The following REC8 variants were observed in gnomAD, a reference collection of about 807,000 sequenced individuals.
REC8 encodes meiotic recombination protein REC8 homolog.
A neutral mutation model predicts 78.3 loss-of-function variants in REC8; 42 were observed. That is an observed-to-expected ratio of 0.54 (90% CI 0.42 to 0.69). The LOEUF (loss-of-function observed/expected upper bound fraction) is 0.69, where lower values mean the gene tolerates loss of function less well. Ranked by LOEUF, REC8 falls within the 30% of genes least tolerant of loss-of-function variation. The pLI is 0.00. For missense variants in REC8, 581 were observed against 715.8 expected (o/e 0.81, Z 2.15); for synonymous variants, 268 against 274.1 (o/e 0.98, Z 0.22).
chr14:24,177,405 C>A (rs368138827), intron 9 of REC8, 22 bp downstream of exon 9: 218 of 1,614,000 alleles, frequency 1.4e-4, no homozygotes, highest in Non-Finnish European at 1.8e-4. Context: ...AACTCCTAGA[C>A]CAGGTAGGGT....
intron 5 of REC8, 112 bp downstream of exon 5, chr14:24,173,523 C>T: frequency 1.3e-6 from 2 of 1,546,632 alleles, no homozygotes; most frequent in East Asian, 4.5e-5. Flanking sequence ...CTCTCTCCCA[C>T]AGGAGATGGT....
chr14:24,173,540 G>A (rs2038760586), intron 5 of REC8, 129 bp downstream of exon 5: 3 of 1,514,790 alleles, frequency 2.0e-6, no homozygotes, highest in Admixed American at 1.9e-5. Context: ...TGGTGCAGGG[G>A]GACTGCCAAG....
Position 24,178,637 on chromosome 14 carries a change from G to A in REC8, c.1028G>A (p.Arg343Lys). Reference sequence around the variant, plus strand: ...GTGCAGCCGCCCGAGAGGACCATCAGAGGCCCTGCGGAGTTGTTCAGAACC... The same window carrying A: ...GTGCAGCCGCCCGAGAGGACCATCAAAGGCCCTGCGGAGTTGTTCAGAACC... ...PMVQPPERTI[R>K]GPAELFRTPT... Residue 343 changes from arginine to lysine, a missense_variant, in exon 13 of 19, where the codon AGA (arginine) becomes AAA (lysine). By Grantham distance (26) the Arg-to-Lys change is conservative. Coordinates refer to ENST00000611366, the MANE Select transcript of REC8 (RefSeq NM_001048205.2). The A allele has an allele frequency of 2.5e-6, 4 of 1,614,084 alleles. No individual in the cohort carries two copies. Among genetic ancestry groups the A allele is most frequent in the Non-Finnish European group, 3.4e-6 (4 of 1,179,992 alleles).
At position 24,173,159 on chromosome 14, in the gene REC8, G is replaced by C; in HGVS notation, c.302G>C (p.Arg101Pro). The change falls in exon 4 of 19, where the codon CGT (arginine) becomes CCT (proline). Residue 101 changes from arginine (R) to proline (P), a missense_variant. Arg to Pro is a moderately radical substitution (Grantham distance 103, BLOSUM62 -2). Transcript: ENST00000611366. The part of the protein sequence containing the change: ...DIQHILERLH[R>P]AQLQIRIDME... ...CAGCACATCTTGGAGCGCCTCCACC[G>C]TGCCCAGCTGCAGATCCGAATAGAT... 6.2e-7 allele frequency: 1 copy of C among 1,614,152 alleles called. No homozygotes were observed. Among genetic ancestry groups the C allele is most frequent in the Non-Finnish European group, 8.5e-7 (1 of 1,180,032 alleles).
At position 24,178,556 on chromosome 14, in the gene REC8, G is replaced by C. The variant is rs1293089457; in HGVS notation, c.997-50G>C. On this transcript the variant is annotated intron_variant, in intron 12 of 18. Transcript: ENST00000611366. Reference sequence around the variant, plus strand: ...CATTGCAAAGAGGCAAAGGGGCCCTGAGGAGTGGCTGCTTTATAATGGGGC... The same window carrying C: ...CATTGCAAAGAGGCAAAGGGGCCCTCAGGAGTGGCTGCTTTATAATGGGGC... 2.5e-6 allele frequency: 4 copies of C among 1,588,968 alleles called. No individual in the cohort carries two copies. The African/African-American group carries it at 4.1e-5, about 16-fold the overall frequency.
chr14:24,175,571 C>T lies in REC8; in HGVS notation c.491C>T (p.Pro164Leu). Residue 164 changes from proline (P) to leucine (L), a missense_variant, in exon 6 of 19, where the codon CCA (proline) becomes CTA (leucine). Transcript: ENST00000611366. ...CGACACCTCTTAGAGGCTGCAATCC[C>T]AGAGAGAGTTGAAGAGATCCCTCCT... ...QIRHLLEAAI[P>L]ERVEEIPPEV... 1.9e-6 allele frequency: 3 copies of T among 1,614,038 alleles called. No homozygotes were observed. The highest frequency in any genetic ancestry group is 1.1e-5 in the South Asian group (1 of 91,080).
At chr14:24,177,891 C>T (rs2038972410) in intron 11 of REC8, 133 bp downstream of exon 11, 18 of 1,471,988 alleles carry the variant, frequency 1.2e-5, no homozygotes, top group South Asian at 2.8e-5. Context: ...CCCCTTTCTA[C>T]GCCCCATCGT....
intron 6 of REC8, among the ~76,000 whole-genome samples, chr14:24,176,106 G>T (rs571125209): frequency 6.6e-6 from 1 of 151,514 alleles, no homozygotes; most frequent in East Asian, 1.9e-4. Flanking sequence ...TCACTCTCTA[G>T]CCCAGGCTGG....
chr14:24,173,912 C>T (rs2038777837), intron 5 of REC8, among the ~76,000 whole-genome samples: 1 of 152,188 alleles, frequency 6.6e-6, no homozygotes, highest in African/African-American at 2.4e-5. Context: ...GTGGCCCAGG[C>T]TGGAGTGCAG....
rs777633723 is a variant in REC8, at chr14:24,179,997, G to A, written c.1559-13G>A. On this transcript the variant is annotated splice_polypyrimidine_tract_variant and intron_variant, in intron 18 of 18. Transcript: ENST00000611366. ...GACTCCCCCGACCTGCCCTCTCCTCGCCTCTTGACCAGTGCTCTCAGCGCA... is the reference window on the plus strand; with the variant it reads ...GACTCCCCCGACCTGCCCTCTCCTCACCTCTTGACCAGTGCTCTCAGCGCA... 1.8e-5 allele frequency: 29 copies of A among 1,614,076 alleles called. No individual in the cohort carries two copies. Among genetic ancestry groups the A allele is most frequent in the Admixed American group, 1.2e-4 (7 of 60,016 alleles).
Position 24,179,463 on chromosome 14 carries a change from G to A in REC8, c.1319G>A (p.Trp440Ter). ...RISLIPPEER[W>*]AWPEVEAPEA... Reference sequence around the variant, plus strand: ...AGCCTCATCCCACCAGAAGAACGGTGGTAAGCGGCCAGGCTCCGTGGGAGC... The same window carrying A: ...AGCCTCATCCCACCAGAAGAACGGTAGTAAGCGGCCAGGCTCCGTGGGAGC... Residue 440 changes from tryptophan (W) to a stop codon, truncating the protein, a stop_gained and splice_region_variant, in exon 16 of 19, where the codon TGG (tryptophan) becomes TAG (stop). Transcript: ENST00000611366. LOFTEE classifies it high-confidence loss of function. The A allele has an allele frequency of 6.2e-7, 1 of 1,614,160 alleles. No individual in the cohort carries two copies. Among genetic ancestry groups the A allele is most frequent in the East Asian group, 2.2e-5 (1 of 44,884 alleles).
chr14:24,173,064 G>A (rs1243177905), intron 3 of REC8, 23 bp downstream of exon 3: 1 of 1,611,064 alleles, frequency 6.2e-7, no homozygotes, highest in Admixed American at 1.7e-5. Context: ...ACCCTCAAAG[G>A]TGGGGCGGGC....
In REC8 at chr14:24,175,532, C is replaced by T; in HGVS notation, c.463-11C>T. On this transcript the variant is annotated splice_polypyrimidine_tract_variant and intron_variant, in intron 5 of 18. Transcript: ENST00000611366. ...TGAACCCTATCTTTTGTTTCCAATC[C>T]CTCTCCAAAGATTCGACACCTCTTA... 1 of 1,609,670 alleles carries T rather than the reference C, an allele frequency of 6.2e-7. No individual in the cohort carries two copies. Among genetic ancestry groups the T allele is most frequent in the Non-Finnish European group, 8.5e-7 (1 of 1,176,072 alleles).
intron 13 of REC8, 51 bp downstream of exon 13, chr14:24,178,723 T>C (rs961042433): frequency 1.2e-6 from 2 of 1,612,936 alleles, no homozygotes; most frequent in Admixed American, 1.7e-5. Flanking sequence ...CAATTCCTCA[T>C]TCCTGGTGCT....
intron 3 of REC8, 33 bp from the exon 4 acceptor site, chr14:24,173,093 G>A: frequency 1.2e-6 from 2 of 1,612,994 alleles, no homozygotes; most frequent in South Asian, 1.1e-5. Flanking sequence ...TGTCTGCTAA[G>A]CTGGCTGTCT....
In REC8 at chr14:24,178,823, C is replaced by T; in HGVS notation, c.1110C>T (p.Ala370=). The T allele has an allele frequency of 6.2e-7, 1 of 1,613,850 alleles. No homozygotes were observed. Among genetic ancestry groups the T allele is most frequent in the Non-Finnish European group, 8.5e-7 (1 of 1,180,000 alleles). ...PELLGLWTHC[A]QPPPKALRRE... ...TACTGGGTCTCTGGACCCATTGTGC[C>T]CAGCCACCCCCAAAAGCCCTCAGGC... The change falls in exon 14 of 19, where the codon GCC becomes GCT. Residue 370 remains alanine (A), a synonymous_variant. Transcript: ENST00000611366.
chr14:24,176,092 G>T (rs930246736), intron 6 of REC8, among the ~76,000 whole-genome samples: 1 of 151,432 alleles, frequency 6.6e-6, no homozygotes, highest in Non-Finnish European at 1.5e-5. Flanking sequence ...TGAGAGATGG[G>T]GTATCACTCT....
At position 24,175,466 on chromosome 14, in the gene REC8, T is replaced by C; in HGVS notation, c.463-77T>C. ...ATAAAAGGAGATTACCGTGCATTGT[T>C]GAAGAAGGCTGTGAAAAGTGGGAAA... On this transcript the variant is annotated intron_variant, in intron 5 of 18. Coordinates refer to ENST00000611366, the MANE Select transcript of REC8 (RefSeq NM_001048205.2). The C allele has an allele frequency of 2.7e-6, 3 of 1,130,880 alleles. No individual in the cohort carries two copies. The South Asian group carries it at 3.7e-5, about 14-fold the overall frequency. 70.1% of individuals were successfully genotyped at this position (1,130,880 alleles called of 1,614,324 possible). A position where few individuals can be genotyped will look rare whatever the true frequency, so the allele number is the denominator to read the frequency against.
Position 24,178,936 on chromosome 14 carries a change from A to C in REC8, c.1203+20A>C. 1 of 1,612,488 alleles carries C rather than the reference A, an allele frequency of 6.2e-7. No individual in the cohort carries two copies. Among genetic ancestry groups the C allele is most frequent in the Non-Finnish European group, 8.5e-7 (1 of 1,179,396 alleles). ...ATTGAGGTAACTGCACCACCTGTTT[A>C]CTGCATCGCCCCAGTGCCAGGGTCT... On this transcript the variant is annotated intron_variant, in intron 14 of 18. Transcript: ENST00000611366.
Sources: gnomAD v4.1 joint callset for allele counts (sites outside exome capture counted in the v4.1 genomes callset) on GRCh38, gnomAD v4.1.1 for gene constraint, MANE v1.5 for transcripts, NCBI Gene and HGNC (gene_info 2026-07-23, HGNC 2026-07-21) for gene names.